The following LINGO2 variants were observed in gnomAD, a reference collection of about 807,000 sequenced individuals.
LINGO2 encodes leucine-rich repeat and immunoglobulin-like domain-containing nogo receptor-interacting protein 2.
Under a neutral mutation model 30.6 loss-of-function variants are expected in LINGO2, and 14 were observed. The ratio of observed to expected loss-of-function variants is 0.46; its 90% CI spans 0.30 to 0.72. LINGO2 has a LOEUF of 0.72. Ranked by LOEUF, LINGO2 falls within the 30% of genes least tolerant of loss-of-function variation. The probability of loss-of-function intolerance (pLI) is 0.07; values close to 1 mark genes in which losing one functional copy is unlikely to be tolerated. For synonymous variants in LINGO2, 317 were observed against 288.5 expected, an observed-to-expected ratio of 1.10 and a Z score of -1.00; for missense variants, 729 against 751.7, an observed-to-expected ratio of 0.97 and a Z score of 0.35.
At chr9:28,887,350 C>T in the LINGO2 span, among the ~76,000 whole-genome samples, 1 of 151,692 alleles carries the variant, frequency 6.6e-6, no homozygotes, top group African/African-American at 2.4e-5. Flanking sequence ...CTAACTTGCC[C>T]CTGGTCTTAA....
At chr9:28,061,624 C>G (rs1176334379) in intron 4 of LINGO2, among the ~76,000 whole-genome samples, 1 of 151,912 alleles carries the variant, frequency 6.6e-6, no homozygotes, top group Admixed American at 6.6e-5. Context: ...ACCATGGGTA[C>G]AGGAGCACAA....
intron 1 of LINGO2, among the ~76,000 whole-genome samples, chr9:28,666,417 C>A (rs1407065499): frequency 6.6e-6 from 1 of 152,106 alleles, no homozygotes; most frequent in Non-Finnish European, 1.5e-5. Context: ...ATGGCCAACA[C>A]TTTATCCAAT....
the LINGO2 span, among the ~76,000 whole-genome samples, chr9:28,958,642 C>A: frequency 1.3e-5 from 2 of 151,914 alleles, no homozygotes; most frequent in African/African-American, 4.8e-5. Flanking sequence ...TATGCACCTA[C>A]GCTTTACTTT....
the LINGO2 span, among the ~76,000 whole-genome samples, chr9:28,846,455 G>A: frequency 7.9e-6 from 1 of 127,164 alleles, no homozygotes; most frequent in Non-Finnish European, 1.7e-5. Context: ...TGCAGTTTCT[G>A]AGAATTTCCC....
the LINGO2 span, among the ~76,000 whole-genome samples, chr9:28,773,597 C>A: frequency 1.3e-5 from 2 of 152,100 alleles, no homozygotes; most frequent in African/African-American, 4.8e-5. Context: ...AGGAAACCTG[C>A]ATCTCTAAGC....
the LINGO2 span, among the ~76,000 whole-genome samples, chr9:29,196,833 G>A: frequency 1.3e-5 from 2 of 151,978 alleles, no homozygotes; most frequent in Non-Finnish European, 2.9e-5. Flanking sequence ...TGAAAAAGAT[G>A]TCAGAAATAA....
At chr9:28,865,349 C>A in the LINGO2 span, among the ~76,000 whole-genome samples, 1 of 152,072 alleles carries the variant, frequency 6.6e-6, no homozygotes, top group Admixed American at 6.6e-5. Context: ...TACAAAGGTC[C>A]TCCAGCTCTT....
At chr9:28,975,708 T>G in the LINGO2 span, among the ~76,000 whole-genome samples, 140,025 of 152,194 alleles carry the variant, frequency 0.92, 64,514 homozygotes, top group Non-Finnish European at 0.93. Context: ...TAAGATTAGG[T>G]CTTTGCTTAG....
chr9:28,466,627 A>G (rs538671308), intron 2 of LINGO2, among the ~76,000 whole-genome samples: 2 of 152,328 alleles, frequency 1.3e-5, no homozygotes, highest in South Asian at 4.1e-4. Context: ...CAAAGGATAG[A>G]TGCTTGAGGT....
chr9:28,332,661 G>C (rs1825464454), intron 3 of LINGO2, among the ~76,000 whole-genome samples: 1 of 151,768 alleles, frequency 6.6e-6, no homozygotes, highest in African/African-American at 2.4e-5. Context: ...GCTCTTATAA[G>C]AATCTGACTG....
the LINGO2 span, among the ~76,000 whole-genome samples, chr9:29,108,259 G>T: frequency 6.6e-6 from 1 of 152,110 alleles, no homozygotes; most frequent in Admixed American, 6.5e-5. Context: ...TCTCAGATTG[G>T]AAGAAAATGA....
intron 1 of LINGO2, among the ~76,000 whole-genome samples, chr9:28,610,604 G>A (rs1825874626): frequency 6.6e-6 from 1 of 152,110 alleles, no homozygotes; most frequent in Non-Finnish European, 1.5e-5. Context: ...GTTTCATCGT[G>A]AAAGCAGAGA....
intron 4 of LINGO2, among the ~76,000 whole-genome samples, chr9:28,195,589 A>G (rs898252289): frequency 6.6e-6 from 1 of 151,126 alleles, no homozygotes; most frequent in Non-Finnish European, 1.5e-5. Context: ...CCCTATATAA[A>G]CAAATTTGGG....
At chr9:29,059,969 T>G in the LINGO2 span, among the ~76,000 whole-genome samples, 5 of 152,060 alleles carry the variant, frequency 3.3e-5, no homozygotes, top group Admixed American at 6.6e-5. Flanking sequence ...TCTCTCTCAT[T>G]GATTACAACT....
the LINGO2 span, among the ~76,000 whole-genome samples, chr9:29,082,250 G>C: frequency 7.9e-5 from 12 of 152,124 alleles, no homozygotes; most frequent in Non-Finnish European, 2.9e-5. Flanking sequence ...CAATGGAACA[G>C]AACAGAGCAC....
At chr9:28,957,572 T>C in the LINGO2 span, among the ~76,000 whole-genome samples, 2 of 152,192 alleles carry the variant, frequency 1.3e-5, no homozygotes, top group Non-Finnish European at 2.9e-5. Context: ...GTGGCAGTAA[T>C]AAAGTCCATA....
the LINGO2 span, among the ~76,000 whole-genome samples, chr9:28,710,227 G>C: frequency 6.6e-6 from 1 of 151,470 alleles, no homozygotes; most frequent in South Asian, 2.1e-4. Flanking sequence ...CATTATGTGA[G>C]GACACAGCAA....
chr9:28,187,742 C>A (rs1238049821), intron 4 of LINGO2, among the ~76,000 whole-genome samples: 1 of 152,118 alleles, frequency 6.6e-6, no homozygotes. Context: ...TTGTGTTAGG[C>A]AAATGCATGC....
chr9:29,155,860 T>C, the LINGO2 span, among the ~76,000 whole-genome samples: 2 of 151,974 alleles, frequency 1.3e-5, no homozygotes, highest in African/African-American at 2.4e-5. Flanking sequence ...GCTAAGAGCA[T>C]AGAAGAATTC....
Sources: gnomAD v4.1 joint callset for allele counts (sites outside exome capture counted in the v4.1 genomes callset) on GRCh38, gnomAD v4.1.1 for gene constraint, MANE v1.5 for transcripts, NCBI Gene and HGNC (gene_info 2026-07-23, HGNC 2026-07-21) for gene names.